THADA: variants seen among roughly 807,000 people sequenced by gnomAD.
THADA encodes the protein THADA armadillo repeat containing.
Under a neutral mutation model 219.8 loss-of-function variants are expected in THADA, and 213 were observed. The observed-to-expected ratio is 0.97, with a 90% CI of 0.87 to 1.09. The LOEUF (loss-of-function observed/expected upper bound fraction) is 1.09, where lower values mean the gene tolerates loss of function less well. Among genes scored for constraint, THADA ranks in the 50% least tolerant of loss-of-function variants. The probability of loss-of-function intolerance (pLI) is 0.00; values close to 1 mark genes in which losing one functional copy is unlikely to be tolerated. For missense variants in THADA, 2,956 were observed against 2,311.3 expected (o/e 1.28, Z -5.72); for synonymous variants, 1,018 against 828.9 (o/e 1.23, Z -3.92).
At chr2:43,439,283 G>A (rs190995744) in intron 26 of THADA, among the ~76,000 whole-genome samples, 1 of 149,662 alleles carries the variant, frequency 6.7e-6, no homozygotes, top group South Asian at 2.2e-4. Flanking sequence ...CGGAGAGAGA[G>A]AGAGAAAGAT....
intron 29 of THADA, among the ~76,000 whole-genome samples, chr2:43,372,881 T>C (rs1485172489): frequency 2.0e-5 from 3 of 152,154 alleles, no homozygotes; most frequent in African/African-American, 7.2e-5. Flanking sequence ...TTTTTGTATC[T>C]TTAGTAGAGA....
intron 29 of THADA, among the ~76,000 whole-genome samples, chr2:43,391,328 G>C (rs538411692): frequency 6.6e-6 from 1 of 152,222 alleles, no homozygotes; most frequent in African/African-American, 2.4e-5. Flanking sequence ...TCTGAGTTCT[G>C]AGCACTTCAA....
chr2:43,497,203 A>C (rs1688372445), intron 25 of THADA, among the ~76,000 whole-genome samples: 1 of 152,246 alleles, frequency 6.6e-6, no homozygotes, highest in Admixed American at 6.5e-5. Context: ...ACCCAAAGGA[A>C]TATAAATCAT....
At chr2:43,518,381 C>A (rs10189235) in intron 22 of THADA, among the ~76,000 whole-genome samples, 1 of 152,060 alleles carries the variant, frequency 6.6e-6, no homozygotes, top group Admixed American at 6.6e-5. Context: ...TCCTGTAACA[C>A]GTACAAACAC....
chr2:43,231,461 G>T, intron 37 of THADA, 118 bp from the exon 38 acceptor site: 2 of 1,072,768 alleles, frequency 1.9e-6, no homozygotes, highest in East Asian at 2.7e-5. Context: ...ACCTGACAGA[G>T]GGTGCACTCT....
intron 30 of THADA, among the ~76,000 whole-genome samples, chr2:43,333,573 GAAAC>G (rs1377096859): frequency 1.3e-5 from 2 of 151,670 alleles, no homozygotes; most frequent in East Asian, 1.9e-4. Context: ...AGAAAGAAAA[GAAAC>G]AAACCAAAAG....
At position 43,337,732 on chromosome 2, in the gene THADA, A is replaced by G. The variant is rs911503553; in HGVS notation, c.4343+6390T>C. ...ACACACACACACACCACACTCATGT[A>G]CAAAGATTTTTCTGAAACATCATCT... On this transcript the variant is annotated intron_variant, in intron 30 of 37. Transcript: ENST00000405975. Among the ~76,000 whole-genome samples the G allele has an allele frequency of 5.3e-5, 8 of 152,166 alleles. No homozygotes were observed. In the South Asian group the frequency reaches 1.5e-3, roughly 28 times the overall value.
chr2:43,512,799 G>C (rs1690666356), intron 22 of THADA, among the ~76,000 whole-genome samples: 1 of 152,160 alleles, frequency 6.6e-6, no homozygotes, highest in Admixed American at 6.5e-5. Context: ...ACCGCACCCG[G>C]CCACAAGTTT....
chr2:43,488,518 C>T (rs1203159225), intron 25 of THADA, among the ~76,000 whole-genome samples: 2 of 152,042 alleles, frequency 1.3e-5, no homozygotes, highest in Non-Finnish European at 2.9e-5. Flanking sequence ...TATGTTATTC[C>T]TTTTTTATGG....
chr2:43,416,674 A>G lies in THADA; in HGVS notation c.4058+11426T>C, dbSNP rs60082621. 8.6e-3 allele frequency among the ~76,000 whole-genome samples: 1,316 copies of G among 152,212 alleles called. 18 individuals are homozygous for G. The highest frequency in any genetic ancestry group is 0.03 in the African/African-American group (1,257 of 41,510). ...AGGGGACACATCTCATCCTCCGTGTACCCTCCACACAGGTTTTGGCTGGTA... is the reference window on the plus strand; with the variant it reads ...AGGGGACACATCTCATCCTCCGTGTGCCCTCCACACAGGTTTTGGCTGGTA... On this transcript the variant is annotated intron_variant, in intron 28 of 37. Transcript: ENST00000405975.
intron 16 of THADA, 96 bp downstream of exon 16, chr2:43,560,138 C>G: frequency 9.7e-7 from 1 of 1,026,206 alleles, no homozygotes; most frequent in Non-Finnish European, 1.4e-6. Context: ...CATGAGCAGG[C>G]AGATGCAAAG....
At chr2:43,282,821 C>T (rs184041655) in intron 35 of THADA, among the ~76,000 whole-genome samples, 50 of 152,312 alleles carry the variant, frequency 3.3e-4, no homozygotes, top group Non-Finnish European at 6.0e-4. Context: ...TGACATGCTG[C>T]CCTTTCCTAT....
chr2:43,489,120 T>G lies in THADA; in HGVS notation c.3745-3795A>C, dbSNP rs72790936. On this transcript the variant is annotated intron_variant, in intron 25 of 37. Transcript: ENST00000405975. ...TCTGTGGGTTGTCTTTATACTTTCTTGATTGTGTCCTTTGAAAAACATTTT... is the reference window on the plus strand; with the variant it reads ...TCTGTGGGTTGTCTTTATACTTTCTGGATTGTGTCCTTTGAAAAACATTTT... Among the ~76,000 whole-genome samples the G allele has an allele frequency of 1.3e-3, 199 of 152,220 alleles. 1 individual carries two copies. The highest frequency in any genetic ancestry group is 3.4e-3 in the Middle Eastern group (1 of 294).
At chr2:43,554,840 C>A (rs1697158224) in intron 17 of THADA, among the ~76,000 whole-genome samples, 1 of 152,122 alleles carries the variant, frequency 6.6e-6, no homozygotes, top group Admixed American at 6.6e-5. Flanking sequence ...GCTAAGTACT[C>A]CTTATCTGAA....
intron 26 of THADA, among the ~76,000 whole-genome samples, chr2:43,440,461 C>CA (rs1680710714): frequency 1.3e-5 from 2 of 152,154 alleles, no homozygotes; most frequent in Non-Finnish European, 2.9e-5. Context: ...AGGGAGAAAG[C>CA]AAAATCATTC....
intron 23 of THADA, among the ~76,000 whole-genome samples, chr2:43,507,212 A>T (rs1166005612): frequency 1.3e-5 from 2 of 152,356 alleles, no homozygotes; most frequent in East Asian, 1.9e-4. Flanking sequence ...TTCAATTACT[A>T]AAATGACTTC....
intron 16 of THADA, among the ~76,000 whole-genome samples, chr2:43,557,987 ATAAG>A (rs1414666128): frequency 6.6e-6 from 1 of 152,248 alleles, no homozygotes; most frequent in Non-Finnish European, 1.5e-5. Context: ...TCAAGTTTAA[ATAAG>A]TATTAGAAAG....
chr2:43,518,257 A>G (rs1691978314), intron 22 of THADA, among the ~76,000 whole-genome samples: 1 of 152,182 alleles, frequency 6.6e-6, no homozygotes, highest in African/African-American at 2.4e-5. Flanking sequence ...AGTCTAACAA[A>G]CCAGGTTGAC....
At chr2:43,552,442 C>A in intron 17 of THADA, 103 bp from the exon 18 acceptor site, 1 of 1,226,682 alleles carries the variant, frequency 8.2e-7, no homozygotes, top group Non-Finnish European at 1.1e-6. Flanking sequence ...CTCAAATGAA[C>A]TTTACACTAG....
Sources: allele counts gnomAD v4.1 joint callset (sites outside exome capture counted in the v4.1 genomes callset), GRCh38; gene constraint gnomAD v4.1.1; transcripts MANE v1.5; gene names NCBI Gene and HGNC (gene_info 2026-07-23, HGNC 2026-07-21).